AVEN: variants seen among roughly 807,000 people sequenced by gnomAD.
AVEN encodes the protein apoptosis and caspase activation inhibitor, also known as cell death regulator Aven.
A neutral mutation model predicts 38.1 loss-of-function variants in AVEN; 41 were observed. The observed-to-expected ratio is 1.08, with a 90% CI of 0.84 to 1.40. The LOEUF is 1.40. Among genes scored for constraint, AVEN ranks in the 40% most tolerant of loss-of-function variants. AVEN has a pLI of 0.00. For missense variants in AVEN, 605 were observed against 438.8 expected, an observed-to-expected ratio of 1.38 and a Z score of -3.38; for synonymous variants, 206 against 171.8, an observed-to-expected ratio of 1.20 and a Z score of -1.56.
the AVEN span, chr15:33,853,442 A>G: frequency 7.5e-7 from 1 of 1,337,328 alleles, no homozygotes; most frequent in Non-Finnish European, 1.0e-6. Flanking sequence ...CTATGTCTTC[A>G]TCTACCCCTT....
chr15:34,068,234 ATT>A (rs35505631), intron 2 of AVEN, among the ~76,000 whole-genome samples: 4,576 of 139,514 alleles, frequency 0.033, 178 homozygotes, highest in African/African-American at 0.095. Context: ...TTTTTCATTC[ATT>A]TTTTTTTTTT....
intron 1 of AVEN, among the ~76,000 whole-genome samples, chr15:34,017,497 T>TTTTG (rs1555516616): frequency 5.2e-5 from 7 of 133,360 alleles, no homozygotes; most frequent in South Asian, 2.4e-4. Context: ...TTTTTTTTTT[T>TTTTG]TTTGAGACAG....
intron 2 of AVEN, among the ~76,000 whole-genome samples, chr15:33,925,443 G>A (rs1236549687): frequency 6.6e-6 from 1 of 152,146 alleles, no homozygotes; most frequent in Non-Finnish European, 1.5e-5. Flanking sequence ...TGAAGAAATG[G>A]GACAAATAGG....
intron 2 of AVEN, among the ~76,000 whole-genome samples, chr15:33,932,158 G>A (rs1893874351): frequency 6.6e-6 from 1 of 152,218 alleles, no homozygotes; most frequent in African/African-American, 2.4e-5. Context: ...AAAGAAATGA[G>A]CAGAACCTTG....
At chr15:34,055,951 C>T (rs2140835799) in intron 5 of AVEN, among the ~76,000 whole-genome samples, 1 of 152,284 alleles carries the variant, frequency 6.6e-6, no homozygotes, top group East Asian at 1.9e-4. Flanking sequence ...CTGGTGACCT[C>T]AGGTGATCTG....
At chr15:34,036,808 T>A (rs1184911280) in intron 1 of AVEN, among the ~76,000 whole-genome samples, 2 of 152,114 alleles carry the variant, frequency 1.3e-5, no homozygotes, top group African/African-American at 2.4e-5. Context: ...TTTCTTTTAA[T>A]GATATACCAT....
At chr15:34,031,119 G>GT (rs57568607) in intron 1 of AVEN, among the ~76,000 whole-genome samples, 1 of 147,240 alleles carries the variant, frequency 6.8e-6, no homozygotes, top group African/African-American at 2.5e-5. Flanking sequence ...ATACATATGA[G>GT]TTTTTTTTTG....
Position 33,871,031 on chromosome 15 carries a change from C to T in AVEN, c.517-1G>A. On this transcript the variant is annotated splice_acceptor_variant, in intron 3 of 5. Transcript: ENST00000306730. LOFTEE classifies it high-confidence loss of function. ...CACTATCCACATAAAATGCTGAATT[C>T]TATATATATATATAAAAGAAAATAA... The T allele has an allele frequency of 6.7e-7, 1 of 1,493,666 alleles. No homozygotes were observed. Among genetic ancestry groups the T allele is most frequent in the Non-Finnish European group, 9.0e-7 (1 of 1,108,970 alleles). The allele number at this position is 1,493,666 out of a possible 1,614,324, so 92.5% of individuals were successfully genotyped here.
Position 33,866,609 on chromosome 15 carries a change from CTTTT to C in AVEN, c.1089_*3del. ...ATTTGCTTCAGGCACTTTTTTTCCC[CTTTT>C]TAGGAAATCATGCTGTCCAACCAGT... On this transcript the variant is annotated stop_retained_variant and 3_prime_UTR_variant, in exon 6 of 6. Transcript: ENST00000306730. 4.3e-6 allele frequency: 7 copies of C among 1,611,234 alleles called. No homozygotes were observed. Among genetic ancestry groups the C allele is most frequent in the Non-Finnish European group, 5.1e-6 (6 of 1,178,254 alleles).
chr15:34,046,261 T>C (rs1899676070), intron 5 of AVEN, among the ~76,000 whole-genome samples: 1 of 151,872 alleles, frequency 6.6e-6, no homozygotes, highest in Non-Finnish European at 1.5e-5. Context: ...GGAACCTACC[T>C]TATGTTCCAA....
intron 2 of AVEN, among the ~76,000 whole-genome samples, chr15:33,981,652 T>C (rs1896149954): frequency 1.3e-5 from 2 of 152,134 alleles, no homozygotes; most frequent in Admixed American, 1.3e-4. Context: ...TGGAATCAGA[T>C]TGAAAGGAAT....
chr15:34,007,978 C>A (rs1897436205), intron 1 of AVEN, among the ~76,000 whole-genome samples: 1 of 152,172 alleles, frequency 6.6e-6, no homozygotes, highest in Admixed American at 6.5e-5. Context: ...CTACCTTAAT[C>A]AAGTAAGACC....
At chr15:33,972,275 C>G (rs1333517541) in intron 2 of AVEN, 1 of 151,860 alleles carries the variant, frequency 6.6e-6, no homozygotes, top group Non-Finnish European at 1.5e-5. Context: ...GAAATAGATG[C>G]AAAATTTCAC....
chr15:33,947,076 C>A (rs1464687939), intron 2 of AVEN, among the ~76,000 whole-genome samples: 2 of 152,046 alleles, frequency 1.3e-5, no homozygotes, highest in Non-Finnish European at 2.9e-5. Context: ...ATGCAGGGAC[C>A]CCAAGCATAA....
intron 2 of AVEN, among the ~76,000 whole-genome samples, chr15:33,928,145 GTC>G (rs982722348): frequency 6.6e-6 from 1 of 152,216 alleles, no homozygotes; most frequent in African/African-American, 2.4e-5. Flanking sequence ...CAAAATGGAA[GTC>G]TCTCTGTTGA....
chr15:34,006,864 G>C (rs901052435), intron 1 of AVEN, among the ~76,000 whole-genome samples: 2 of 152,174 alleles, frequency 1.3e-5, no homozygotes, highest in Non-Finnish European at 2.9e-5. Context: ...AGGTTTTATA[G>C]GTTCATTGTG....
intron 2 of AVEN, among the ~76,000 whole-genome samples, chr15:33,978,005 G>C (rs1264519302): frequency 7.3e-6 from 1 of 136,386 alleles, no homozygotes; most frequent in Admixed American, 7.4e-5. Context: ...AGGAAGAGAG[G>C]AAGGGAGGGA....
At chr15:33,893,232 A>C (rs1002685620) in intron 2 of AVEN, among the ~76,000 whole-genome samples, 1 of 152,168 alleles carries the variant, frequency 6.6e-6, no homozygotes, top group African/African-American at 2.4e-5. Flanking sequence ...GCCTGATTAC[A>C]CCAGCCAGAA....
intron 5 of AVEN, among the ~76,000 whole-genome samples, chr15:34,047,529 C>T (rs1899754551): frequency 6.6e-6 from 1 of 152,146 alleles, no homozygotes; most frequent in African/African-American, 2.4e-5. Context: ...AGATAAGACC[C>T]ACTGACTTGG....
Sources: allele counts gnomAD v4.1 joint callset (sites outside exome capture counted in the v4.1 genomes callset), GRCh38; gene constraint gnomAD v4.1.1; transcripts MANE v1.5; gene names NCBI Gene and HGNC (gene_info 2026-07-23, HGNC 2026-07-21).